Variants in ACP5 observed in about 807,000 individuals in gnomAD.
The protein encoded by ACP5 is tartrate-resistant acid phosphatase type 5.
A neutral mutation model predicts 28.7 loss-of-function variants in ACP5; 24 were observed. The observed-to-expected ratio is 0.84, with a 90% CI of 0.61 to 1.18. The LOEUF is 1.18. Ranked by LOEUF, ACP5 falls within the 50% of genes most tolerant of loss-of-function variation. The pLI is 0.00. For synonymous variants in ACP5, 154 were observed against 181.4 expected (o/e 0.85, Z 1.21); for missense variants, 354 against 422.2 (o/e 0.84, Z 1.42).
chr19:11,575,600 A>G (rs1973105315), intron 4 of ACP5: 4 of 333,800 alleles, frequency 1.2e-5, no homozygotes, highest in South Asian at 1.1e-4. Context: ...GCTCATGCCT[A>G]TAATCCCAGC....
At chr19:11,576,006 C>CAAAAAAATAAAAAAAAAAAA (rs1973126284) in intron 4 of ACP5, among the ~76,000 whole-genome samples, 1 of 52,910 alleles carries the variant, frequency 1.9e-5, no homozygotes, top group Non-Finnish European at 3.5e-5. Flanking sequence ...ACCTTGTCTC[C>CAAAAAAATAAAAAAAAAAAA]AAAAAAAAAA....
chr19:11,577,934 AGT>A (rs148054154), upstream of ACP5: 100 of 183,836 alleles, frequency 5.4e-4, no homozygotes, highest in South Asian at 1.8e-3. This position sits in a 1 kb window ranked among gnomAD's most constrained non-coding sequence, Gnocchi z 5.7. Flanking sequence ...TCTCAGTGTG[AGT>A]GTGTGTGTGT....
upstream of ACP5, among the ~76,000 whole-genome samples, chr19:11,578,371 CT>C (rs1420550022): frequency 6.6e-6 from 1 of 152,146 alleles, no homozygotes; most frequent in Non-Finnish European, 1.5e-5. Flanking sequence ...ACGGGCTTCC[CT>C]TTTCCAGGAA....
chr19:11,576,942 G>T (rs774517154), intron 2 of ACP5, 99 bp from the exon 3 acceptor site: 2 of 1,605,796 alleles, frequency 1.2e-6, no homozygotes, highest in Non-Finnish European at 1.7e-6. Flanking sequence ...TGCTCCCGGC[G>T]CCCAAAGGTG....
In ACP5 at chr19:11,577,262, G is replaced by C; in HGVS notation, c.56C>G (p.Ala19Gly). The change falls in exon 2 of 5, where the codon GCT becomes GGT. Residue 19 changes from alanine to glycine, a missense_variant. Physicochemically the swap from Ala to Gly is moderately conservative, Grantham distance 60 (BLOSUM62 0). Coordinates refer to ENST00000648477, the MANE Select transcript of ACP5 (RefSeq NM_001611.5). This position sits in a 1 kb window ranked among gnomAD's most constrained non-coding sequence, Gnocchi z 5.7. ...GCGCAGGGCAGGGGTGGCACCATCAGCCAGGGAGGGTAGCAACAAGGCTTG... is the reference window on the plus strand; with the variant it reads ...GCGCAGGGCAGGGGTGGCACCATCACCCAGGGAGGGTAGCAACAAGGCTTG... ...ILQALLLPSL[A>G]DGATPALRFV... The C allele has an allele frequency of 1.9e-6, 3 of 1,614,180 alleles. No homozygotes were observed. Among genetic ancestry groups the C allele is most frequent in the Non-Finnish European group, 2.5e-6 (3 of 1,180,018 alleles).
At chr19:11,576,006 C>CAAAAAAAAA (rs3035420) in intron 4 of ACP5, among the ~76,000 whole-genome samples, 824 of 52,286 alleles carry the variant, frequency 0.016, 7 homozygotes, top group African/African-American at 0.051. Context: ...ACCTTGTCTC[C>CAAAAAAAAA]AAAAAAAAAA....
rs913182619 is a variant in ACP5, at chr19:11,575,116, C to T, written c.872G>A (p.Gly291Asp). 3 of 1,614,108 alleles carry T rather than the reference C, an allele frequency of 1.9e-6. No individual in the cohort carries two copies. The highest frequency in any genetic ancestry group is 2.7e-5 in the African/African-American group (2 of 74,950). ...FHYGTEDSLG[G>D]FAYVEISSKE... ...GGAGCTGATCTCCACATAGGCAAAG[C>T]CACCCAGTGAGTCTTCAGTCCCATA... is the stretch of plus-strand genomic sequence containing the variant. Residue 291 changes from glycine to aspartate, a missense_variant, in exon 5 of 5, where the codon GGC (glycine) becomes GAC (aspartate). Physicochemically the swap from Gly to Asp is moderately conservative, Grantham distance 94. Coordinates refer to ENST00000648477, the MANE Select transcript of ACP5 (RefSeq NM_001611.5).
upstream of ACP5, chr19:11,577,892 G>T: frequency 4.8e-6 from 1 of 209,744 alleles, no homozygotes; most frequent in Non-Finnish European, 9.7e-6. This position sits in a 1 kb window ranked among gnomAD's most constrained non-coding sequence, Gnocchi z 5.7. Context: ...CTGTAGGCTT[G>T]ACACGTCCAG....
rs374180791 is a variant in ACP5 at position 11,576,284 on chromosome 19, C to T, written c.694G>A (p.Gly232Arg). 67 of 1,610,220 alleles carry T rather than the reference C, an allele frequency of 4.2e-5. No individual in the cohort carries two copies. Among genetic ancestry groups the T allele is most frequent in the African/African-American group, 3.5e-4 (26 of 74,990 alleles). ...TGGCCGCACAGGTAGGCAGTGACCCCGTATGTGGCCAGCAGTGGCCGTAGC... is the reference window on the plus strand; with the variant it reads ...TGGCCGCACAGGTAGGCAGTGACCCTGTATGTGGCCAGCAGTGGCCGTAGC... ...KQLRPLLATY[G>R]VTAYLCGHDH... is the part of the protein sequence containing the mutation. Residue 232 changes from glycine to arginine, a missense_variant, in exon 4 of 5, where the codon GGG becomes AGG. Physicochemically the swap from Gly to Arg is moderately radical, Grantham distance 125. Coordinates refer to ENST00000648477, the MANE Select transcript of ACP5 (RefSeq NM_001611.5).
At chr19:11,575,797 C>T (rs1314437480) in intron 4 of ACP5, among the ~76,000 whole-genome samples, 1 of 146,396 alleles carries the variant, frequency 6.8e-6, no homozygotes, top group Non-Finnish European at 1.5e-5. Context: ...GCGGAGGTTG[C>T]AGTGAGTTGA....
At chr19:11,576,006 C>CAAAAAAAAAAAAAAAAA (rs3035420) in intron 4 of ACP5, among the ~76,000 whole-genome samples, 48 of 52,840 alleles carry the variant, frequency 9.1e-4, no homozygotes, top group African/African-American at 2.2e-3. Flanking sequence ...ACCTTGTCTC[C>CAAAAAAAAAAAAAAAAA]AAAAAAAAAA....
intron 3 of ACP5, 33 bp from the exon 4 acceptor site, chr19:11,576,621 C>G (rs1430830961): frequency 6.2e-7 from 1 of 1,613,648 alleles, no homozygotes; most frequent in African/African-American, 1.3e-5. Flanking sequence ...GGGTGCACAT[C>G]TTGGGCGCAG....
In ACP5 at chr19:11,575,042, T is replaced by TA; in HGVS notation, c.945dup (p.Lys316Ter). 1 of 1,614,186 alleles carries TA rather than the reference T, an allele frequency of 6.2e-7. No individual in the cohort carries two copies. The highest frequency in any genetic ancestry group is 1.1e-5 in the South Asian group (1 of 91,090). On this transcript the variant is annotated frameshift_variant, in exon 5 of 5. Coordinates refer to ENST00000648477, the MANE Select transcript of ACP5 (RefSeq NM_001611.5). LOFTEE classifies it high-confidence loss of function. ...CTGGCTCGCCTCGGCAGCCTGGTCT[T>TA]AAAGAGGGACTTGCCCGAGGCCTCG...
chr19:11,575,310 A>C, intron 4 of ACP5, 58 bp from the exon 5 acceptor site: 5 of 1,607,368 alleles, frequency 3.1e-6, no homozygotes, highest in Non-Finnish European at 4.2e-6. Flanking sequence ...GCCCTGCCTA[A>C]GGTCCAGGGC....
At chr19:11,575,300 GC>G (rs1188524730) in intron 4 of ACP5, 48 bp from the exon 5 acceptor site, 6 of 1,610,884 alleles carry the variant, frequency 3.7e-6, no homozygotes, top group Non-Finnish European at 5.1e-6. Flanking sequence ...TTTGAGCAGA[GC>G]CCTGCCTAAG....
Position 11,574,983 on chromosome 19 carries a change from G to A in ACP5, c.*27C>T, listed in dbSNP as rs992196588. 5 of 1,613,762 alleles carry A rather than the reference G, an allele frequency of 3.1e-6. No homozygotes were observed. Among genetic ancestry groups the A allele is most frequent in the Non-Finnish European group, 4.2e-6 (5 of 1,179,874 alleles). ...CCACCCACCCAACAGTGGAGATCGG[G>A]CCTCAGAGCTGGGCAGTCATGGGAG... On this transcript the variant is annotated 3_prime_UTR_variant, in exon 5 of 5. Transcript: ENST00000648477.
intron 4 of ACP5, 104 bp from the exon 5 acceptor site, chr19:11,575,356 A>G (rs1973093871): frequency 7.2e-7 from 1 of 1,388,816 alleles, no homozygotes; most frequent in Non-Finnish European, 1.0e-6. Flanking sequence ...ACCTTGAGGT[A>G]TGTAACCCCT....
rs146196342 is a variant in ACP5, at chr19:11,575,222, C to G, written c.766G>C (p.Val256Leu). The G allele has an allele frequency of 8.0e-4, 1,293 of 1,613,852 alleles. No homozygotes were observed. The highest frequency in any genetic ancestry group is 9.5e-4 in the Non-Finnish European group (1,120 of 1,180,030). Residue 256 changes from valine to leucine, a missense_variant, in exon 5 of 5, where the codon GTG (valine) becomes CTG (leucine). Val to Leu is a conservative substitution (Grantham distance 32, BLOSUM62 1). Coordinates refer to ENST00000648477, the MANE Select transcript of ACP5 (RefSeq NM_001611.5). ...YLQDENGVGYVLSGAGNFMDP... is the reference protein window; with the variant it reads ...YLQDENGVGYLLSGAGNFMDP... ...ATGAAATTCCCAGCCCCACTCAGCA[C>G]GTAGCCCACGCCATTCTCATCTTGC...
chr19:11,577,589 T>G lies in ACP5; in HGVS notation c.-1+4A>C. 1 of 556,030 alleles carries G rather than the reference T, an allele frequency of 1.8e-6. No individual in the cohort carries two copies. The highest frequency in any genetic ancestry group is 2.0e-5 in the South Asian group (1 of 50,168). 34.4% of individuals were successfully genotyped at this position (556,030 alleles called of 1,614,324 possible). A position where few individuals can be genotyped will look rare whatever the true frequency, so the allele number is the denominator to read the frequency against. ...TCCTTCCACCTAGCCTGCCCAGCAC[T>G]CACCCAGGGGGAGACACAGGCCAGT... is the stretch of plus-strand genomic sequence containing the variant. On this transcript the variant is annotated splice_donor_region_variant and intron_variant, in intron 1 of 4. Transcript: ENST00000648477. The surrounding 1 kb of genome is among the most constrained non-coding windows in gnomAD (Gnocchi z 5.7).
Sources: allele counts gnomAD v4.1 joint callset (sites outside exome capture counted in the v4.1 genomes callset), GRCh38; gene constraint gnomAD v4.1.1; non-coding constraint Gnocchi (gnomAD v3.1); transcripts MANE v1.5; gene names NCBI Gene and HGNC (gene_info 2026-07-23, HGNC 2026-07-21).